The following ADCY3 variants were observed in gnomAD, a reference collection of about 807,000 sequenced individuals.
ADCY3 encodes adenylate cyclase 3, also known as adenylate cyclase type 3.
A neutral mutation model predicts 119.4 loss-of-function variants in ADCY3; 70 were observed. The ratio of observed to expected loss-of-function variants is 0.59; its 90% CI spans 0.48 to 0.72. ADCY3 has a LOEUF of 0.72. ADCY3 is among the 30% of genes least tolerant of loss of function. ADCY3 has a pLI of 0.00. For synonymous variants in ADCY3, 672 were observed against 621.4 expected, an observed-to-expected ratio of 1.08 and a Z score of -1.21; for missense variants, 1,238 against 1,541.6, an observed-to-expected ratio of 0.80 and a Z score of 3.30.
At chr2:24,840,730 G>A (rs1670899098) in intron 6 of ADCY3, 5 of 354,734 alleles carry the variant, frequency 1.4e-5, no homozygotes, top group South Asian at 1.1e-4. Flanking sequence ...CTTGGAGCAG[G>A]GGCAAGAGTA....
chr2:24,870,157 T>TAAA (rs35100474), intron 3 of ADCY3, among the ~76,000 whole-genome samples: 2 of 141,014 alleles, frequency 1.4e-5, no homozygotes, highest in South Asian at 4.6e-4. Context: ...ACTAAAAATA[T>TAAA]AAAAAAAAAA....
chr2:24,881,060 G>C (rs544869139), intron 2 of ADCY3, among the ~76,000 whole-genome samples: 4 of 151,094 alleles, frequency 2.6e-5, no homozygotes, highest in Non-Finnish European at 4.4e-5. Flanking sequence ...CTTTGACCAC[G>C]TGATTTGCTT....
intron 2 of ADCY3, among the ~76,000 whole-genome samples, chr2:24,904,216 T>C (rs531840551): frequency 1.6e-3 from 243 of 151,938 alleles, no homozygotes; most frequent in Non-Finnish European, 2.6e-3. Context: ...CAGAGAGAAA[T>C]TTGGATCAAA....
At chr2:24,838,268 C>A (rs1670548318) in intron 8 of ADCY3, among the ~76,000 whole-genome samples, 177 bp downstream of exon 8, 1 of 152,098 alleles carries the variant, frequency 6.6e-6, no homozygotes. Context: ...CACTCACCAT[C>A]TCCCCCAGAA....
At chr2:24,874,281 T>A (rs965856603) in intron 2 of ADCY3, among the ~76,000 whole-genome samples, 2 of 152,214 alleles carry the variant, frequency 1.3e-5, no homozygotes, top group African/African-American at 2.4e-5. Context: ...TGCTGGCGTC[T>A]GGTTCCAGCT....
intron 2 of ADCY3, among the ~76,000 whole-genome samples, chr2:24,880,032 G>A (rs999422471): frequency 2.6e-5 from 4 of 152,178 alleles, no homozygotes; most frequent in African/African-American, 4.8e-5. Flanking sequence ...AATACAACAC[G>A]AGGCTCAAGC....
At chr2:24,827,492 T>A in intron 15 of ADCY3, 54 bp downstream of exon 15, 1 of 1,543,744 alleles carries the variant, frequency 6.5e-7, no homozygotes, top group Non-Finnish European at 8.8e-7. Flanking sequence ...TATATTCCTG[T>A]CTCTAGAAGA....
At chr2:24,882,949 A>C (rs147843601) in intron 2 of ADCY3, among the ~76,000 whole-genome samples, 3,727 of 152,064 alleles carry the variant, frequency 0.025, 65 homozygotes, top group Non-Finnish European at 0.038. Flanking sequence ...GTCCCAAGTT[A>C]TTTGGGAGGC....
rs1243389923 is a variant in ADCY3 at position 24,842,848 on chromosome 2, A to C, written c.826-464T>G. Among the ~76,000 whole-genome samples, 4 of 152,238 alleles carry C rather than the reference A, an allele frequency of 2.6e-5. No individual in the cohort carries two copies. The highest frequency in any genetic ancestry group is 9.6e-5 in the African/African-American group (4 of 41,468). On this transcript the variant is annotated intron_variant, in intron 3 of 21. Transcript: ENST00000679454. The surrounding 1 kb of genome is among the most constrained non-coding windows in gnomAD (Gnocchi z 4.9). ...AGGCACTACACGAGGCGCCAGCGAC[A>C]CAAAACCAGCAAGAACGTCCACCTC...
intron 6 of ADCY3, among the ~76,000 whole-genome samples, chr2:24,840,829 C>A (rs1369214326): frequency 6.6e-6 from 1 of 152,190 alleles, no homozygotes; most frequent in Non-Finnish European, 1.5e-5. Flanking sequence ...CATCCCTGAG[C>A]CCCTCTGCCA....
intron 13 of ADCY3, among the ~76,000 whole-genome samples, chr2:24,829,722 C>G (rs568807169): frequency 6.9e-6 from 1 of 144,232 alleles, no homozygotes; most frequent in Non-Finnish European, 1.5e-5. Flanking sequence ...GCGCCCGGCA[C>G]CGTGTGCTCC....
At chr2:24,856,901 C>T (rs11675457) in intron 3 of ADCY3, among the ~76,000 whole-genome samples, 77,109 of 151,982 alleles carry the variant, frequency 0.51, 21,791 homozygotes, top group African/African-American at 0.77. Context: ...GCTGTAGGAA[C>T]GTAGAGGAGG....
In ADCY3 at chr2:24,908,921, G is replaced by A. The variant is rs376528447; in HGVS notation, c.675+9392C>T. ...CCCCGACACACATTGGCTGCTCCACGTGTTGGATTCTAAGCCCCCTTCCTT... is the reference window on the plus strand; with the variant it reads ...CCCCGACACACATTGGCTGCTCCACATGTTGGATTCTAAGCCCCCTTCCTT... On this transcript the variant is annotated intron_variant, in intron 2 of 21. Coordinates refer to ENST00000679454, the MANE Select transcript of ADCY3 (RefSeq NM_004036.5). 2.0e-5 allele frequency among the ~76,000 whole-genome samples: 3 copies of A among 152,134 alleles called. No individual in the cohort carries two copies. In the South Asian group the frequency reaches 6.2e-4, roughly 31 times the overall value.
intron 20 of ADCY3, chr2:24,821,131 C>T (rs983608378): frequency 2.0e-5 from 9 of 454,100 alleles, no homozygotes; most frequent in African/African-American, 1.4e-4. Flanking sequence ...TGGGACCTCA[C>T]TCAGGAATGA....
chr2:24,894,961 C>A (rs1257894048), intron 2 of ADCY3, among the ~76,000 whole-genome samples: 1 of 152,158 alleles, frequency 6.6e-6, no homozygotes, highest in Non-Finnish European at 1.5e-5. Context: ...CATCTGCTGT[C>A]ATTCTTATCT....
Position 24,919,065 on chromosome 2 carries a change from G to C in ADCY3, c.-78C>G. The C allele has an allele frequency of 3.5e-6, 5 of 1,418,684 alleles. No homozygotes were observed. Among genetic ancestry groups the C allele is most frequent in the Non-Finnish European group, 4.7e-6 (5 of 1,074,106 alleles). 87.9% of individuals were successfully genotyped at this position (1,418,684 alleles called of 1,614,324 possible). On this transcript the variant is annotated 5_prime_UTR_variant, in exon 2 of 22. Transcript: ENST00000679454. The surrounding 1 kb of genome is among the most constrained non-coding windows in gnomAD (Gnocchi z 5.5). ...GAGCTCTGGACTGGGCCTCCTCTCA[G>C]GGCTCTCTGAGACCGGGGGAGGGCT...
intron 16 of ADCY3, among the ~76,000 whole-genome samples, chr2:24,825,439 A>G (rs552712614): frequency 4.0e-5 from 6 of 149,708 alleles, no homozygotes; most frequent in South Asian, 2.1e-4. Context: ...GATTCAAGCA[A>G]TCCTCCTGCC....
intron 2 of ADCY3, among the ~76,000 whole-genome samples, chr2:24,873,056 C>T (rs544802440): frequency 1.3e-5 from 2 of 152,236 alleles, no homozygotes; most frequent in Non-Finnish European, 2.9e-5. Flanking sequence ...AGTCCCTCCA[C>T]CTGTGACGCC....
chr2:24,892,192 C>T (rs948925653), intron 2 of ADCY3, among the ~76,000 whole-genome samples: 1 of 151,654 alleles, frequency 6.6e-6, no homozygotes, highest in African/African-American at 2.4e-5. Context: ...ACTTCTACTT[C>T]CATCCATTTT....
Sources: allele counts gnomAD v4.1 joint callset (sites outside exome capture counted in the v4.1 genomes callset), GRCh38; gene constraint gnomAD v4.1.1; non-coding constraint Gnocchi (gnomAD v3.1); transcripts MANE v1.5; gene names NCBI Gene and HGNC (gene_info 2026-07-23, HGNC 2026-07-21).